AQR: variants seen among roughly 807,000 people sequenced by gnomAD.
AQR encodes the protein RNA helicase aquarius.
In AQR, 61 loss-of-function variants were observed where a neutral mutation model predicts 180.5. The ratio of observed to expected loss-of-function variants is 0.34; its 90% CI spans 0.28 to 0.42. The LOEUF (loss-of-function observed/expected upper bound fraction) is 0.42. Ranked by LOEUF, AQR falls within the 10% of genes least tolerant of loss-of-function variation. The pLI is 1.00. For synonymous variants in AQR, 551 were observed against 588.8 expected, an observed-to-expected ratio of 0.94 and a Z score of 0.93; for missense variants, 1,281 against 1,798.3, an observed-to-expected ratio of 0.71 and a Z score of 5.20.
At chr15:34,906,197 T>C (rs887484881) in intron 18 of AQR, among the ~76,000 whole-genome samples, 2 of 152,044 alleles carry the variant, frequency 1.3e-5, no homozygotes, top group Non-Finnish European at 2.9e-5. Context: ...CTGGGCAACA[T>C]GGGGAAACCC....
chr15:34,938,004 CTATT>C (rs536786894), intron 9 of AQR, among the ~76,000 whole-genome samples: 1 of 151,664 alleles, frequency 6.6e-6, no homozygotes, highest in South Asian at 2.1e-4. Context: ...GAAAATCCTT[CTATT>C]TAGTCTTTTA....
At chr15:34,862,790 A>T in intron 33 of AQR, 77 bp downstream of exon 33, 1 of 1,450,884 alleles carries the variant, frequency 6.9e-7, no homozygotes, top group Non-Finnish European at 9.5e-7. Context: ...GTTCCAAGCT[A>T]ATGTGGTCAC....
At chr15:34,948,877 T>C (rs906670383) in intron 4 of AQR, among the ~76,000 whole-genome samples, 5 of 151,648 alleles carry the variant, frequency 3.3e-5, no homozygotes, top group African/African-American at 7.3e-5. Flanking sequence ...AATTTATATA[T>C]AGAAAATACA....
chr15:34,860,110 G>T lies in AQR; in HGVS notation c.4075C>A (p.Pro1359Thr), dbSNP rs370025183. Residue 1359 changes from proline to threonine, a missense_variant, in exon 34 of 35, where the codon CCC becomes ACC. Transcript: ENST00000156471. ...TTGTATACAAAGTTTGCCATCTGGG[G>T]CATATTTTTTATTATTTGTACTTCA... ...SHEVQIIKNM[P>T]QMANFVYNMY... 1.2e-5 allele frequency: 19 copies of T among 1,522,856 alleles called. No homozygotes were observed. The highest frequency in any genetic ancestry group is 8.9e-7 in the Non-Finnish European group (1 of 1,123,666). The allele number at this position is 1,522,856 out of a possible 1,614,324, so 94.3% of individuals were successfully genotyped here. A position where few individuals can be genotyped will look rare whatever the true frequency, so the allele number is the denominator to read the frequency against.
chr15:34,877,144 T>C (rs1892898961), intron 27 of AQR, among the ~76,000 whole-genome samples: 1 of 152,224 alleles, frequency 6.6e-6, no homozygotes. Context: ...GAAAATTTCA[T>C]TCCTTCTTCG....
intron 22 of AQR, among the ~76,000 whole-genome samples, chr15:34,895,772 C>T (rs910257902): frequency 6.6e-6 from 1 of 152,098 alleles, no homozygotes; most frequent in Non-Finnish European, 1.5e-5. Context: ...CTTCAATAGT[C>T]TGCTTTCAGT....
At position 34,886,512 on chromosome 15, in the gene AQR, C is replaced by G. The variant is rs367946678; in HGVS notation, c.2817+14G>C. ...TTATGATGAAGTATGATTCAAAAAC[C>G]CTTAATATCTTACCTGGTATAAGAA... On this transcript the variant is annotated intron_variant, in intron 25 of 34. Coordinates refer to ENST00000156471, the MANE Select transcript of AQR (RefSeq NM_014691.3). 34 of 1,594,622 alleles carry G rather than the reference C, an allele frequency of 2.1e-5. No homozygotes were observed. In the African/African-American group the frequency reaches 3.8e-4, roughly 18 times the overall value.
Position 34,930,963 on chromosome 15 carries a change from A to C in AQR, c.901-592T>G, listed in dbSNP as rs559720331. Among the ~76,000 whole-genome samples, 159 of 151,726 alleles carry C rather than the reference A, an allele frequency of 1.0e-3. 1 individual carries two copies. Among genetic ancestry groups the C allele is most frequent in the African/African-American group, 3.7e-3 (154 of 41,280 alleles). ...GCCATTCTCCTGCCTCAGCCTCCGGAGTAGCTGGGACTACAGGCGCCCACC... is the reference window on the plus strand; with the variant it reads ...GCCATTCTCCTGCCTCAGCCTCCGGCGTAGCTGGGACTACAGGCGCCCACC... On this transcript the variant is annotated intron_variant, in intron 11 of 34. Transcript: ENST00000156471.
chr15:34,924,653 A>G (rs1033251987), intron 13 of AQR, among the ~76,000 whole-genome samples: 2 of 151,898 alleles, frequency 1.3e-5, no homozygotes, highest in South Asian at 2.1e-4. Flanking sequence ...CTGGTCTCGA[A>G]CTCCTGACCT....
Position 34,953,041 on chromosome 15 carries a change from A to G in AQR, c.174-121T>C, listed in dbSNP as rs182314591. The G allele has an allele frequency of 8.9e-4, 508 of 567,758 alleles. 1 individual carries two copies. The highest frequency in any genetic ancestry group is 8.7e-3 in the African/African-American group (449 of 51,376). The allele number at this position is 567,758 out of a possible 1,614,324, so 35.2% of individuals were successfully genotyped here. On this transcript the variant is annotated intron_variant, in intron 3 of 34. Coordinates refer to ENST00000156471, the MANE Select transcript of AQR (RefSeq NM_014691.3). ...ATTAACCCATCTATCAAAATTCATA[A>G]TATCAGATCACAACTTCTAATGTCA...
chr15:34,950,289 C>T (rs147381808), intron 4 of AQR, among the ~76,000 whole-genome samples: 3,253 of 151,990 alleles, frequency 0.021, 50 homozygotes, highest in Non-Finnish European at 0.032. Flanking sequence ...AGGGTTTCAC[C>T]ATGTTGGCCA....
At chr15:34,968,475 G>T (rs2050324693) in intron 1 of AQR, among the ~76,000 whole-genome samples, 1 of 150,964 alleles carries the variant, frequency 6.6e-6, no homozygotes. Context: ...AGCCAGGATG[G>T]TCTCGATCTC....
chr15:34,949,603 C>G (rs1161893394), intron 4 of AQR, among the ~76,000 whole-genome samples: 1 of 31,802 alleles, frequency 3.1e-5, no homozygotes, highest in African/African-American at 1.7e-4. Flanking sequence ...GAGACTCCGT[C>G]ACAAAAAAAA....
At chr15:34,922,371 T>C (rs1350762318) in intron 13 of AQR, among the ~76,000 whole-genome samples, 1 of 152,194 alleles carries the variant, frequency 6.6e-6, no homozygotes, top group Non-Finnish European at 1.5e-5. Context: ...TTTTCACTTT[T>C]CTTGAATATA....
chr15:34,913,974 ACTCT>A (rs1893539070), intron 16 of AQR, among the ~76,000 whole-genome samples: 1 of 152,178 alleles, frequency 6.6e-6, no homozygotes, highest in Non-Finnish European at 1.5e-5. Context: ...AAAAAATAGA[ACTCT>A]CTATGAAATA....
intron 3 of AQR, among the ~76,000 whole-genome samples, chr15:34,957,517 C>T (rs753230081): frequency 2.0e-5 from 3 of 150,174 alleles, no homozygotes; most frequent in South Asian, 2.1e-4. Flanking sequence ...GCCTGACAAA[C>T]GTGGAGAAAC....
At chr15:34,968,543 C>T (rs556484261) in intron 1 of AQR, among the ~76,000 whole-genome samples, 5 of 152,196 alleles carry the variant, frequency 3.3e-5, no homozygotes, top group East Asian at 1.9e-4. Context: ...CAGGCGTGAG[C>T]CCCTGCGCCC....
At position 34,948,388 on chromosome 15, in the gene AQR, TAA is replaced by T. The variant is rs1389374512; in HGVS notation, c.210-6_210-5del. On this transcript the variant is annotated splice_polypyrimidine_tract_variant and splice_region_variant and intron_variant, in intron 4 of 34. Coordinates refer to ENST00000156471, the MANE Select transcript of AQR (RefSeq NM_014691.3). Reference sequence around the variant, plus strand: ...GAGATAATTTTCAAGATACTGGCTGTAAAGAGTAAAAAGCATAGAATACTTCA... The same window carrying T: ...GAGATAATTTTCAAGATACTGGCTGTAGAGTAAAAAGCATAGAATACTTCA... 1 of 1,611,272 alleles carries T rather than the reference TAA, an allele frequency of 6.2e-7. No homozygotes were observed. Among genetic ancestry groups the T allele is most frequent in the South Asian group, 1.1e-5 (1 of 90,994 alleles).
chr15:34,961,662 CAAAAAAAA>C (rs60598508), intron 2 of AQR, among the ~76,000 whole-genome samples: 1 of 112,768 alleles, frequency 8.9e-6, no homozygotes, highest in Non-Finnish European at 1.7e-5. Context: ...CTGTACATCT[CAAAAAAAA>C]AAAAAAAAGA....
Sources: allele counts gnomAD v4.1 joint callset (sites outside exome capture counted in the v4.1 genomes callset), GRCh38; gene constraint gnomAD v4.1.1; transcripts MANE v1.5; gene names NCBI Gene and HGNC (gene_info 2026-07-23, HGNC 2026-07-21).